GMDS: variants seen among roughly 807,000 people sequenced by gnomAD.
GMDS encodes GDP-mannose 4,6 dehydratase.
GMDS carries 20 observed loss-of-function variants against 49.9 expected under a neutral mutation model. That is an observed-to-expected ratio of 0.40 (90% CI 0.28 to 0.58). The LOEUF (loss-of-function observed/expected upper bound fraction) is 0.58, where lower values mean the gene tolerates loss of function less well. Ranked by LOEUF, GMDS falls within the 20% of genes least tolerant of loss-of-function variation. GMDS has a pLI of 0.42. For missense variants in GMDS, 362 were observed against 481.4 expected (o/e 0.75, Z 2.32); for synonymous variants, 177 against 178.6 (o/e 0.99, Z 0.07).
At chr6:1,813,584 C>T (rs931167873) in intron 7 of GMDS, among the ~76,000 whole-genome samples, 1 of 152,088 alleles carries the variant, frequency 6.6e-6, no homozygotes, top group African/African-American at 2.4e-5. Flanking sequence ...TTCTAGATAG[C>T]TAATAATGGA....
intron 7 of GMDS, among the ~76,000 whole-genome samples, chr6:1,755,849 C>T (rs576937248): frequency 5.7e-4 from 87 of 152,206 alleles, no homozygotes; most frequent in African/African-American, 2.0e-3. Context: ...CATAGGCATG[C>T]GCAAAGACTT....
chr6:2,159,022 C>T (rs900027229), intron 1 of GMDS, among the ~76,000 whole-genome samples: 5 of 152,180 alleles, frequency 3.3e-5, no homozygotes, highest in African/African-American at 1.2e-4. Flanking sequence ...TCTGGATAAA[C>T]ACAGGTACTG....
intron 9 of GMDS, among the ~76,000 whole-genome samples, chr6:1,638,179 G>C (rs904826795): frequency 6.6e-6 from 1 of 152,192 alleles, no homozygotes; most frequent in Admixed American, 6.5e-5. Flanking sequence ...CTAAGAGTTA[G>C]AAACAAAGGT....
At chr6:1,727,630 A>G (rs1430660107) in intron 8 of GMDS, among the ~76,000 whole-genome samples, 1 of 152,186 alleles carries the variant, frequency 6.6e-6, no homozygotes, top group Non-Finnish European at 1.5e-5. Context: ...GAAAATGAAC[A>G]TTAAATGTTG....
At chr6:1,723,311 TCAAATTTTC>T (rs1561757623) in intron 9 of GMDS, among the ~76,000 whole-genome samples, 1 of 144,988 alleles carries the variant, frequency 6.9e-6, no homozygotes. Context: ...TTTTTTTTTT[TCAAATTTTC>T]TTTATGGCAT....
At position 2,042,702 on chromosome 6, in the gene GMDS, T is replaced by C. The variant is rs1190922267; in HGVS notation, c.345+73069A>G. Among the ~76,000 whole-genome samples the C allele has an allele frequency of 2.0e-5, 3 of 152,330 alleles. No homozygotes were observed. The East Asian group carries it at 5.8e-4, about 29-fold the overall frequency. On this transcript the variant is annotated intron_variant, in intron 4 of 10. Coordinates refer to ENST00000380815, the MANE Select transcript of GMDS (RefSeq NM_001500.4). ...TTTGATGTATGTAGTCTTTAGAACCTATCTTGAGAAGTGCTCTTATTAGAT... is the reference window on the plus strand; with the variant it reads ...TTTGATGTATGTAGTCTTTAGAACCCATCTTGAGAAGTGCTCTTATTAGAT...
chr6:2,039,379 A>G (rs1369427899), intron 4 of GMDS, among the ~76,000 whole-genome samples: 1 of 152,192 alleles, frequency 6.6e-6, no homozygotes, highest in Admixed American at 6.5e-5. Flanking sequence ...TGAGCACTGT[A>G]CACTTAGGCT....
intron 1 of GMDS, among the ~76,000 whole-genome samples, chr6:2,217,843 AC>A (rs1206915233): frequency 6.6e-6 from 1 of 152,186 alleles, no homozygotes; most frequent in African/African-American, 2.4e-5. Flanking sequence ...GCCAAAGCCT[AC>A]CAAGAAACAG....
chr6:1,877,161 G>C (rs1332262516), intron 7 of GMDS, among the ~76,000 whole-genome samples: 1 of 152,072 alleles, frequency 6.6e-6, no homozygotes, highest in Non-Finnish European at 1.5e-5. Flanking sequence ...CTAACAGCCA[G>C]AGGCACAGAA....
intron 4 of GMDS, among the ~76,000 whole-genome samples, chr6:2,007,549 G>GTTTTTCC (rs1554145518): frequency 1.3e-5 from 2 of 151,120 alleles, no homozygotes; most frequent in Non-Finnish European, 2.9e-5. Flanking sequence ...GTTACTTTCA[G>GTTTTTCC]TTTTTTCTTT....
intron 4 of GMDS, among the ~76,000 whole-genome samples, chr6:2,041,478 G>A (rs1221227193): frequency 1.3e-5 from 2 of 152,150 alleles, no homozygotes; most frequent in African/African-American, 2.4e-5. Flanking sequence ...GAGCCATTCT[G>A]ACACCAAGGC....
chr6:1,705,660 G>T (rs1013201584), intron 9 of GMDS, among the ~76,000 whole-genome samples: 1 of 152,194 alleles, frequency 6.6e-6, no homozygotes, highest in Non-Finnish European at 1.5e-5. Context: ...CACGGATAAT[G>T]GACTGCGCAT....
chr6:1,746,055 G>C (rs1767482925), intron 7 of GMDS, among the ~76,000 whole-genome samples: 2 of 152,184 alleles, frequency 1.3e-5, no homozygotes, highest in Non-Finnish European at 2.9e-5. Flanking sequence ...TTCCCTGATG[G>C]ATGGCACAAC....
chr6:2,191,266 A>C lies in GMDS; in HGVS notation c.102+54055T>G, dbSNP rs1779003737. ...AGGCACCCCCTGGGGAAGGGCCGCAAGCGGGATGAGGGGGAGCTCTAGGCT... is the reference window on the plus strand; with the variant it reads ...AGGCACCCCCTGGGGAAGGGCCGCACGCGGGATGAGGGGGAGCTCTAGGCT... On this transcript the variant is annotated intron_variant, in intron 1 of 10. Transcript: ENST00000380815. This position sits in a 1 kb window ranked among gnomAD's most constrained non-coding sequence, Gnocchi z 4.6. 6.6e-6 allele frequency among the ~76,000 whole-genome samples: 1 copy of C among 152,082 alleles called. No homozygotes were observed. The highest frequency in any genetic ancestry group is 2.4e-5 in the African/African-American group (1 of 41,424).
At chr6:1,662,135 C>G (rs924759677) in intron 9 of GMDS, among the ~76,000 whole-genome samples, 1 of 152,178 alleles carries the variant, frequency 6.6e-6, no homozygotes, top group South Asian at 2.1e-4. Context: ...CTTCTCGGTG[C>G]CTTCTGTGTT....
chr6:2,163,262 T>A (rs938096262), intron 1 of GMDS, among the ~76,000 whole-genome samples: 27 of 151,962 alleles, frequency 1.8e-4, no homozygotes, highest in African/African-American at 6.3e-4. Flanking sequence ...GATTCTCAGG[T>A]GGAAAGAGAA....
At chr6:2,185,550 T>C (rs985525944) in intron 1 of GMDS, among the ~76,000 whole-genome samples, 7 of 152,202 alleles carry the variant, frequency 4.6e-5, no homozygotes, top group Non-Finnish European at 7.4e-5. Flanking sequence ...TAAATACAGT[T>C]ACAGCCATTT....
intron 5 of GMDS, 125 bp downstream of exon 5, chr6:1,960,649 A>C: frequency 3.3e-6 from 2 of 602,278 alleles, no homozygotes; most frequent in Non-Finnish European, 5.8e-6. Context: ...AGTCTACCTT[A>C]ATGTTAACCT....
At chr6:1,819,733 C>T (rs1581219289) in intron 7 of GMDS, among the ~76,000 whole-genome samples, 1 of 143,412 alleles carries the variant, frequency 7.0e-6, no homozygotes, top group African/African-American at 2.6e-5. Context: ...TGCACTCCAG[C>T]CTAGGCAATA....
Sources: gnomAD v4.1 joint callset for allele counts (sites outside exome capture counted in the v4.1 genomes callset) on GRCh38, gnomAD v4.1.1 for gene constraint, Gnocchi (gnomAD v3.1) non-coding constraint, MANE v1.5 for transcripts, NCBI Gene and HGNC (gene_info 2026-07-23, HGNC 2026-07-21) for gene names.